Variants in CNTNAP2 observed in about 807,000 individuals in gnomAD.
The protein encoded by CNTNAP2 is contactin-associated protein-like 2.
A neutral mutation model predicts 155.2 loss-of-function variants in CNTNAP2; 98 were observed. The observed-to-expected ratio is 0.63, with a 90% CI of 0.54 to 0.75. CNTNAP2 has a LOEUF of 0.75. CNTNAP2 is among the 30% of genes least tolerant of loss of function. The probability of loss-of-function intolerance (pLI) is 0.00; values close to 1 mark genes in which losing one functional copy is unlikely to be tolerated. For missense variants in CNTNAP2, 1,727 were observed against 1,688.1 expected, an observed-to-expected ratio of 1.02 and a Z score of -0.40; for synonymous variants, 651 against 631.2, an observed-to-expected ratio of 1.03 and a Z score of -0.47.
chr7:147,340,878 A>G (rs1444277320), intron 9 of CNTNAP2, among the ~76,000 whole-genome samples: 1 of 151,884 alleles, frequency 6.6e-6, no homozygotes, highest in African/African-American at 2.4e-5. Flanking sequence ...ATGACCTCCT[A>G]TCTATCTCCT....
intron 8 of CNTNAP2, among the ~76,000 whole-genome samples, chr7:147,279,317 C>A (rs1482503046): frequency 6.6e-6 from 1 of 151,704 alleles, no homozygotes; most frequent in Non-Finnish European, 1.5e-5. Context: ...ATTATTCATT[C>A]TTAAAGCTTT....
At chr7:147,400,139 G>C (rs1048940363) in intron 10 of CNTNAP2, among the ~76,000 whole-genome samples, 16 of 152,076 alleles carry the variant, frequency 1.1e-4, no homozygotes, top group African/African-American at 3.6e-4. Context: ...GAAAACCTGA[G>C]AGCCCAAACC....
intron 13 of CNTNAP2, among the ~76,000 whole-genome samples, chr7:147,753,421 T>A (rs1048718275): frequency 2.6e-5 from 4 of 152,176 alleles, no homozygotes; most frequent in African/African-American, 7.2e-5. Context: ...CCTGAATAAT[T>A]GTGGAGGCAT....
chr7:147,269,297 C>A (rs1804687550), intron 8 of CNTNAP2, among the ~76,000 whole-genome samples: 1 of 152,036 alleles, frequency 6.6e-6, no homozygotes, highest in African/African-American at 2.4e-5. Flanking sequence ...TTTATTTAGG[C>A]TTTTCTAATT....
intron 3 of CNTNAP2, among the ~76,000 whole-genome samples, chr7:146,905,590 C>A (rs915275224): frequency 1.3e-5 from 2 of 151,954 alleles, no homozygotes; most frequent in Non-Finnish European, 1.5e-5. Flanking sequence ...CTAGCTTTCC[C>A]CAAGTCTTTT....
chr7:147,837,098 T>C (rs34176123), intron 13 of CNTNAP2, among the ~76,000 whole-genome samples: 11,276 of 152,196 alleles, frequency 0.074, 454 homozygotes, highest in East Asian at 0.15. Context: ...ATAAGCATGT[T>C]GGGTACCGTA....
At position 148,349,524 on chromosome 7, in the gene CNTNAP2, C is replaced by T. The variant is rs377328392; in HGVS notation, c.3476-34125C>T. Among the ~76,000 whole-genome samples the T allele has an allele frequency of 5.9e-4, 90 of 151,604 alleles. No individual in the cohort carries two copies. The Middle Eastern group carries it at 0.01, about 17-fold the overall frequency. ...TCACGCCATTCTCCTGCCTCAGTCT[C>T]CCGAGTAGCTGGGACTACAGGCACC... On this transcript the variant is annotated intron_variant, in intron 21 of 23. Transcript: ENST00000361727.
At chr7:148,293,614 C>T (rs939264373) in intron 21 of CNTNAP2, among the ~76,000 whole-genome samples, 3 of 152,188 alleles carry the variant, frequency 2.0e-5, no homozygotes, top group Admixed American at 6.5e-5. Flanking sequence ...TTCCATCTAA[C>T]ATTTTTCATC....
intron 4 of CNTNAP2, among the ~76,000 whole-genome samples, chr7:147,061,541 C>T (rs1386334961): frequency 7.4e-6 from 1 of 135,816 alleles, no homozygotes; most frequent in East Asian, 1.9e-4. Flanking sequence ...TGTGCACACA[C>T]TTGTATGTAC....
intron 22 of CNTNAP2, among the ~76,000 whole-genome samples, chr7:148,398,228 C>G (rs2116694306): frequency 6.6e-6 from 1 of 152,318 alleles, no homozygotes; most frequent in South Asian, 2.1e-4. Context: ...CTCAGCAACG[C>G]TCCTCATCTA....
intron 3 of CNTNAP2, among the ~76,000 whole-genome samples, chr7:146,864,084 T>C (rs1003498317): frequency 6.6e-6 from 1 of 152,068 alleles, no homozygotes; most frequent in Non-Finnish European, 1.5e-5. Flanking sequence ...TCTATATGTA[T>C]AATATCATTC....
chr7:147,335,216 G>GC (rs1457463961), intron 9 of CNTNAP2, among the ~76,000 whole-genome samples: 3 of 152,086 alleles, frequency 2.0e-5, no homozygotes, highest in African/African-American at 7.2e-5. Flanking sequence ...TAATATACAA[G>GC]CAAGGACTCA....
At chr7:148,061,754 G>T (rs2116512141) in intron 15 of CNTNAP2, among the ~76,000 whole-genome samples, 1 of 152,032 alleles carries the variant, frequency 6.6e-6, no homozygotes, top group South Asian at 2.1e-4. Flanking sequence ...TATTCAGAAA[G>T]ACTAAACAAT....
chr7:146,872,956 A>G (rs1162302589), intron 3 of CNTNAP2, among the ~76,000 whole-genome samples: 2 of 152,192 alleles, frequency 1.3e-5, no homozygotes, highest in Non-Finnish European at 2.9e-5. Flanking sequence ...CCAACATAGC[A>G]CCTGCATTTT....
At chr7:147,390,382 T>G (rs1199023642) in intron 9 of CNTNAP2, among the ~76,000 whole-genome samples, 1 of 152,184 alleles carries the variant, frequency 6.6e-6, no homozygotes, top group African/African-American at 2.4e-5. Context: ...AATAATTTAT[T>G]ATCTCTTACT....
At chr7:146,340,816 A>G (rs966012573) in intron 1 of CNTNAP2, among the ~76,000 whole-genome samples, 19 of 152,200 alleles carry the variant, frequency 1.2e-4, no homozygotes, top group African/African-American at 4.6e-4. Context: ...ATTTGCTAAA[A>G]TAAGATTTAA....
chr7:146,675,434 A>G (rs374587415), intron 1 of CNTNAP2, among the ~76,000 whole-genome samples: 12 of 152,178 alleles, frequency 7.9e-5, no homozygotes, highest in African/African-American at 2.9e-4. Flanking sequence ...TGGCTCCACC[A>G]AGTGACTTGC....
At chr7:147,131,304 A>G (rs1335115110) in intron 7 of CNTNAP2, among the ~76,000 whole-genome samples, 1 of 151,632 alleles carries the variant, frequency 6.6e-6, no homozygotes, top group Non-Finnish European at 1.5e-5. Flanking sequence ...AGAGAGACAG[A>G]CATAGAGATA....
At chr7:148,299,091 C>T (rs1003299063) in intron 21 of CNTNAP2, among the ~76,000 whole-genome samples, 7 of 151,584 alleles carry the variant, frequency 4.6e-5, no homozygotes, top group East Asian at 2.0e-4. Flanking sequence ...CCCAGGTTCA[C>T]GCCTTTCTCC....
Sources: gnomAD v4.1 joint callset for allele counts (sites outside exome capture counted in the v4.1 genomes callset) on GRCh38, gnomAD v4.1.1 for gene constraint, MANE v1.5 for transcripts, NCBI Gene and HGNC (gene_info 2026-07-23, HGNC 2026-07-21) for gene names.